Variants in PTPRD observed in about 807,000 individuals in gnomAD.
PTPRD encodes receptor-type tyrosine-protein phosphatase delta.
In PTPRD, 34 loss-of-function variants were observed where a neutral mutation model predicts 214.5. The ratio of observed to expected loss-of-function variants is 0.16; its 90% confidence interval spans 0.12 to 0.21. PTPRD has a LOEUF of 0.21. PTPRD is among the 10% of genes least tolerant of loss of function. The pLI is 1.00. For missense variants in PTPRD, 2,545 were observed against 2,398.7 expected (o/e 1.06, Z -1.27); for synonymous variants, 1,128 against 845.7 (o/e 1.33, Z -5.79).
intron 11 of PTPRD, among the ~76,000 whole-genome samples, chr9:8,783,135 T>C (rs1181265099): frequency 6.6e-6 from 1 of 152,108 alleles, no homozygotes; most frequent in African/African-American, 2.4e-5. Context: ...CTTGAAAATA[T>C]CATATATGAA....
intron 7 of PTPRD, among the ~76,000 whole-genome samples, chr9:9,732,986 C>G (rs1279548665): frequency 2.6e-5 from 4 of 151,840 alleles, no homozygotes; most frequent in Admixed American, 2.0e-4. Flanking sequence ...ATATGTAGGA[C>G]TGAATTCATC....
At chr9:8,526,712 A>C (rs2139326009) in intron 16 of PTPRD, 68 bp from the exon 17 acceptor site, 1 of 1,271,782 alleles carries the variant, frequency 7.9e-7, no homozygotes, top group East Asian at 2.4e-5. Context: ...GAAGGAGGCT[A>C]GGGCTGGGGA....
At chr9:8,833,276 T>C (rs147136181) in intron 11 of PTPRD, among the ~76,000 whole-genome samples, 31 of 152,262 alleles carry the variant, frequency 2.0e-4, no homozygotes, top group Middle Eastern at 6.8e-3. Flanking sequence ...GTTATTAGCA[T>C]TGATTTGAGC....
At chr9:8,846,620 A>G (rs2097702013) in intron 11 of PTPRD, among the ~76,000 whole-genome samples, 1 of 152,180 alleles carries the variant, frequency 6.6e-6, no homozygotes, top group African/African-American at 2.4e-5. Context: ...GGTTGGGGAC[A>G]TTCCAAATGG....
intron 6 of PTPRD, among the ~76,000 whole-genome samples, chr9:9,746,754 T>C (rs1209903502): frequency 6.6e-6 from 1 of 151,164 alleles, no homozygotes; most frequent in Non-Finnish European, 1.5e-5. Flanking sequence ...TGTAGGAATG[T>C]CCATCTTGGG....
At chr9:9,891,971 A>G (rs774165328) in intron 5 of PTPRD, among the ~76,000 whole-genome samples, 10 of 152,152 alleles carry the variant, frequency 6.6e-5, no homozygotes, top group Admixed American at 2.6e-4. Flanking sequence ...AGGCTAAGCT[A>G]GAAAACAGAA....
rs756864781 is a variant in PTPRD at position 8,524,909 on chromosome 9, G to T, written c.679+16C>A. 1.2e-6 allele frequency: 2 copies of T among 1,603,756 alleles called. No homozygotes were observed. Among genetic ancestry groups the T allele is most frequent in the East Asian group, 2.2e-5 (1 of 44,832 alleles). On this transcript the variant is annotated intron_variant, in intron 18 of 45. Coordinates refer to ENST00000381196, the MANE Select transcript of PTPRD (RefSeq NM_002839.4). ...GCCTGAATGAAGAAGCGATGCCAGGGTTATGTCATTCCTACCTCTGACATA... is the reference window on the plus strand; with the variant it reads ...GCCTGAATGAAGAAGCGATGCCAGGTTTATGTCATTCCTACCTCTGACATA...
chr9:9,013,571 G>A (rs118063808), intron 11 of PTPRD, among the ~76,000 whole-genome samples: 3 of 152,006 alleles, frequency 2.0e-5, no homozygotes, highest in South Asian at 4.1e-4. Context: ...CTTTCTTTCC[G>A]TGGGATAAAA....
In PTPRD at chr9:9,765,076, A is replaced by G. The variant is rs184307378; in HGVS notation, c.-326+1734T>C. ...CCATTCATTCCCTGTCTGGCAGTGC[A>G]CGTCAGCTGGCTTATTTTCTTTGGA... is the stretch of plus-strand genomic sequence containing the variant. On this transcript the variant is annotated intron_variant, in intron 6 of 45. Coordinates refer to ENST00000381196, the MANE Select transcript of PTPRD (RefSeq NM_002839.4). Among the ~76,000 whole-genome samples the G allele has an allele frequency of 9.9e-5, 15 of 152,276 alleles. No individual in the cohort carries two copies. The East Asian group carries it at 2.5e-3, about 25-fold the overall frequency.
chr9:9,949,475 C>G (rs1463657813), intron 4 of PTPRD, among the ~76,000 whole-genome samples: 1 of 151,534 alleles, frequency 6.6e-6, no homozygotes, highest in Non-Finnish European at 1.5e-5. Flanking sequence ...GTTTTCCTTC[C>G]TCCATCTTCA....
intron 12 of PTPRD, among the ~76,000 whole-genome samples, chr9:8,663,338 T>A (rs1434994521): frequency 6.6e-6 from 1 of 151,414 alleles, no homozygotes; most frequent in Non-Finnish European, 1.5e-5. Context: ...AGGAAAAAGC[T>A]ACTATTAAGA....
At chr9:8,485,390 ATGGACCATAGGGGCTTATGC>A in intron 28 of PTPRD, 66 bp from the exon 29 acceptor site, 1 of 1,145,690 alleles carries the variant, frequency 8.7e-7, no homozygotes. Context: ...CCTTTCCACC[ATGGACCATAGGGGCTTATGC>A]TAGATGCTGT....
intron 11 of PTPRD, chr9:8,958,817 A>T (rs2099144704): frequency 6.6e-6 from 1 of 151,992 alleles, no homozygotes. Context: ...CCATAACCAC[A>T]ATGGAAAAGG....
chr9:9,263,637 T>C (rs2132282355), intron 9 of PTPRD, among the ~76,000 whole-genome samples: 1 of 151,868 alleles, frequency 6.6e-6, no homozygotes, highest in East Asian at 2.0e-4. Flanking sequence ...CAAATGATGT[T>C]CATTTCTGTT....
At chr9:10,101,989 C>A (rs1272822385) in intron 3 of PTPRD, among the ~76,000 whole-genome samples, 2 of 151,650 alleles carry the variant, frequency 1.3e-5, no homozygotes, top group East Asian at 3.9e-4. Flanking sequence ...ATACACATCC[C>A]ACGTTTTATA....
chr9:9,130,401 T>G (rs1569549619), intron 10 of PTPRD, among the ~76,000 whole-genome samples: 1 of 152,308 alleles, frequency 6.6e-6, no homozygotes, highest in African/African-American at 2.4e-5. Context: ...AACAGAATCC[T>G]TCTTAACAAT....
intron 14 of PTPRD, among the ~76,000 whole-genome samples, chr9:8,603,862 G>A (rs942838432): frequency 6.6e-6 from 1 of 151,988 alleles, no homozygotes; most frequent in African/African-American, 2.4e-5. Context: ...TAATGGAAAA[G>A]CCCAACTAAT....
chr9:9,853,460 G>A (rs1365721168), intron 5 of PTPRD, among the ~76,000 whole-genome samples: 1 of 152,140 alleles, frequency 6.6e-6, no homozygotes, highest in Non-Finnish European at 1.5e-5. Flanking sequence ...GTTTGCTAAT[G>A]CCTAGCTCTA....
chr9:8,326,560 G>C (rs559820636), intron 44 of PTPRD, among the ~76,000 whole-genome samples: 40 of 151,620 alleles, frequency 2.6e-4, no homozygotes, highest in Non-Finnish European at 5.3e-4. Flanking sequence ...CCAGGTTTTG[G>C]TATCAGGATG....
Sources: gnomAD v4.1 joint callset for allele counts (sites outside exome capture counted in the v4.1 genomes callset) on GRCh38, gnomAD v4.1.1 for gene constraint, MANE v1.5 for transcripts, NCBI Gene and HGNC (gene_info 2026-07-23, HGNC 2026-07-21) for gene names.